Variants in PAPPA observed in about 807,000 individuals in gnomAD.
The protein encoded by PAPPA is pappalysin-1.
In PAPPA, 60 loss-of-function variants were observed where a neutral mutation model predicts 164.0. The ratio of observed to expected loss-of-function variants is 0.37; its 90% confidence interval spans 0.30 to 0.45. The LOEUF (loss-of-function observed/expected upper bound fraction) is 0.45, where lower values mean the gene tolerates loss of function less well. PAPPA is among the 20% of genes least tolerant of loss of function. The pLI is 1.00. For missense variants in PAPPA, 1,782 were observed against 2,087.3 expected, an observed-to-expected ratio of 0.85 and a Z score of 2.85; for synonymous variants, 875 against 814.1, an observed-to-expected ratio of 1.07 and a Z score of -1.27.
chr9:116,343,205 G>T (rs1846160765), intron 13 of PAPPA, among the ~76,000 whole-genome samples: 1 of 152,202 alleles, frequency 6.6e-6, no homozygotes. Flanking sequence ...TAAGCAATCA[G>T]CAAATAGTAA....
At chr9:116,226,208 G>A (rs1384416431) in intron 5 of PAPPA, among the ~76,000 whole-genome samples, 1 of 152,088 alleles carries the variant, frequency 6.6e-6, no homozygotes, top group Non-Finnish European at 1.5e-5. Context: ...CACATTATAG[G>A]GCATTAGGGG....
intron 10 of PAPPA, among the ~76,000 whole-genome samples, chr9:116,305,273 C>T (rs868120002): frequency 2.8e-4 from 43 of 151,860 alleles, no homozygotes; most frequent in African/African-American, 9.2e-4. Flanking sequence ...TTGTGCTCTT[C>T]ATTACCTTGT....
intron 8 of PAPPA, among the ~76,000 whole-genome samples, chr9:116,267,216 A>G (rs1478022910): frequency 2.6e-5 from 4 of 152,236 alleles, no homozygotes; most frequent in Admixed American, 2.0e-4. Context: ...GGGAAGAACA[A>G]TTTAATTTGT....
chr9:116,264,140 A>T (rs963364473), intron 7 of PAPPA, among the ~76,000 whole-genome samples: 2 of 152,098 alleles, frequency 1.3e-5, no homozygotes, highest in African/African-American at 2.4e-5. Flanking sequence ...ATCCCCTGGG[A>T]TTGTTACTTT....
chr9:116,293,632 G>T (rs1164069139), intron 9 of PAPPA, among the ~76,000 whole-genome samples: 1 of 152,228 alleles, frequency 6.6e-6, no homozygotes, highest in Non-Finnish European at 1.5e-5. Context: ...GCTAGTTGGG[G>T]AAGTTAAAAT....
intron 10 of PAPPA, among the ~76,000 whole-genome samples, chr9:116,307,148 A>G (rs1204787211): frequency 5.3e-5 from 8 of 152,166 alleles, no homozygotes; most frequent in Non-Finnish European, 7.3e-5. Context: ...CCTGCACTAG[A>G]AGGCAGGTGA....
intron 10 of PAPPA, among the ~76,000 whole-genome samples, chr9:116,323,955 T>G (rs1845891246): frequency 6.6e-6 from 1 of 152,148 alleles, no homozygotes; most frequent in Non-Finnish European, 1.5e-5. Context: ...GCCTGGCAAT[T>G]GCAGGCTCTT....
intron 9 of PAPPA, among the ~76,000 whole-genome samples, chr9:116,292,668 G>T (rs77200584): frequency 3.3e-5 from 5 of 152,284 alleles, no homozygotes; most frequent in Admixed American, 6.5e-5. Flanking sequence ...TAAATAGGCA[G>T]ATATTTAGTA....
chr9:116,390,904 C>A (rs1721229893), intron 21 of PAPPA, among the ~76,000 whole-genome samples: 1 of 152,158 alleles, frequency 6.6e-6, no homozygotes, highest in South Asian at 2.1e-4. Context: ...ATTTATTGAG[C>A]CCATATTTTA....
At chr9:116,221,407 A>G (rs1376411182) in intron 5 of PAPPA, among the ~76,000 whole-genome samples, 1 of 152,198 alleles carries the variant, frequency 6.6e-6, no homozygotes, top group African/African-American at 2.4e-5. Flanking sequence ...TAATTAGTTA[A>G]TATTACTTTA....
intron 4 of PAPPA, among the ~76,000 whole-genome samples, chr9:116,216,157 C>T (rs1024785769): frequency 6.6e-6 from 1 of 152,052 alleles, no homozygotes; most frequent in Non-Finnish European, 1.5e-5. Context: ...ATCAAAAAGA[C>T]AGAGAGTTTC....
chr9:116,203,710 G>A (rs1844198349), intron 2 of PAPPA, among the ~76,000 whole-genome samples: 1 of 152,168 alleles, frequency 6.6e-6, no homozygotes, highest in Non-Finnish European at 1.5e-5. Flanking sequence ...TCCTTATGAT[G>A]CCCCTGACAG....
intron 2 of PAPPA, among the ~76,000 whole-genome samples, chr9:116,204,319 C>T (rs78794020): frequency 0.02 from 3,096 of 152,306 alleles, 49 homozygotes; most frequent in Middle Eastern, 0.044. Context: ...CAGAGTTGGA[C>T]AGACAACTTG....
chr9:116,211,574 T>C, intron 3 of PAPPA, 65 bp from the exon 4 acceptor site: 1 of 1,424,888 alleles, frequency 7.0e-7, no homozygotes. Context: ...TTGATGGACT[T>C]GGGGGTTCTT....
chr9:116,270,936 C>T (rs997939302), intron 8 of PAPPA, among the ~76,000 whole-genome samples: 2 of 152,014 alleles, frequency 1.3e-5, no homozygotes, highest in Non-Finnish European at 2.9e-5. Context: ...CTACATTTTC[C>T]TTCAAATATG....
At chr9:116,365,820 T>C (rs1420418046) in intron 18 of PAPPA, among the ~76,000 whole-genome samples, 5 of 152,066 alleles carry the variant, frequency 3.3e-5, no homozygotes, top group African/African-American at 1.2e-4. Context: ...TCACCATCTC[T>C]CCTGTTTCGA....
intron 15 of PAPPA, among the ~76,000 whole-genome samples, chr9:116,348,653 C>T (rs1182593103): frequency 6.6e-6 from 1 of 152,164 alleles, no homozygotes; most frequent in African/African-American, 2.4e-5. Flanking sequence ...TACCTCCTCC[C>T]ATCCTCTTCC....
chr9:116,282,558 C>T (rs1330052471), intron 9 of PAPPA, among the ~76,000 whole-genome samples: 1 of 152,130 alleles, frequency 6.6e-6, no homozygotes, highest in Non-Finnish European at 1.5e-5. Flanking sequence ...CACATTAATG[C>T]TATGAGGTAG....
chr9:116,186,350 A>G (rs1033253040), intron 1 of PAPPA, among the ~76,000 whole-genome samples: 7 of 151,952 alleles, frequency 4.6e-5, no homozygotes, highest in Non-Finnish European at 8.8e-5. Context: ...ACACAGGGGA[A>G]CTGTCAATGA....
Sources: gnomAD v4.1 joint callset for allele counts (sites outside exome capture counted in the v4.1 genomes callset) on GRCh38, gnomAD v4.1.1 for gene constraint, MANE v1.5 for transcripts, NCBI Gene and HGNC (gene_info 2026-07-23, HGNC 2026-07-21) for gene names.